The following CPNE4 variants were observed in gnomAD, a reference collection of about 807,000 sequenced individuals.
The protein encoded by CPNE4 is copine-4.
CPNE4 carries 25 observed loss-of-function variants against 67.9 expected under a neutral mutation model. The ratio of observed to expected loss-of-function variants is 0.37; its 90% confidence interval spans 0.27 to 0.51. CPNE4 has a LOEUF of 0.51. Ranked by LOEUF, CPNE4 falls within the 20% of genes least tolerant of loss-of-function variation. CPNE4 has a pLI of 0.93. For synonymous variants in CPNE4, 242 were observed against 244.9 expected, an observed-to-expected ratio of 0.99 and a Z score of 0.11; for missense variants, 464 against 690.8, an observed-to-expected ratio of 0.67 and a Z score of 3.68.
chr3:131,977,809 G>A (rs907197829), intron 1 of CPNE4, among the ~76,000 whole-genome samples: 1 of 151,470 alleles, frequency 6.6e-6, no homozygotes, highest in Non-Finnish European at 1.5e-5. Context: ...CACCATATTT[G>A]TAGTCTTTTA....
At chr3:131,552,513 A>T (rs1936239346) in intron 12 of CPNE4, 22 bp from the exon 13 acceptor site, 1 of 1,603,306 alleles carries the variant, frequency 6.2e-7, no homozygotes, top group Non-Finnish European at 8.5e-7. Context: ...TTAAAATTTA[A>T]AAAACAGGAA....
chr3:131,787,939 A>G (rs192685975), intron 2 of CPNE4, among the ~76,000 whole-genome samples: 1 of 152,260 alleles, frequency 6.6e-6, no homozygotes, highest in East Asian at 1.9e-4. Flanking sequence ...ACTGTCCAAT[A>G]TATCATTTTT....
intron 3 of CPNE4, among the ~76,000 whole-genome samples, chr3:131,702,403 C>A (rs532548671): frequency 6.6e-6 from 1 of 152,198 alleles, no homozygotes; most frequent in Non-Finnish European, 1.5e-5. Context: ...TTTCTCTGCA[C>A]GTTTTTTCCA....
At chr3:131,677,154 T>A (rs765111726) in intron 6 of CPNE4, among the ~76,000 whole-genome samples, 60 of 152,082 alleles carry the variant, frequency 3.9e-4, no homozygotes, top group Admixed American at 4.6e-4. Flanking sequence ...TTTTTTCATA[T>A]GATTGTTGGC....
In CPNE4 at chr3:131,861,400, CTTTGTGTGTGTGTGTG is replaced by C. The variant is rs755231500; in HGVS notation, c.180+43848_180+43863del. ...TGACTCTGAGTTTAGAATATCTCAT[CTTTGTGTGTGTGTGTG>C]TGTGTGTGTGTGTGTGTGTGTGTGT... On this transcript the variant is annotated intron_variant, in intron 2 of 15. Transcript: ENST00000429747. 8.2e-5 allele frequency among the ~76,000 whole-genome samples: 10 copies of C among 122,112 alleles called. No homozygotes were observed. In the South Asian group the frequency reaches 3.1e-3, roughly 37 times the overall value. The allele number at this position is 122,112 out of a possible 152,430, so 80.1% of individuals were successfully genotyped here.
At chr3:131,572,791 T>C (rs147684681) in intron 10 of CPNE4, among the ~76,000 whole-genome samples, 35 of 152,084 alleles carry the variant, frequency 2.3e-4, no homozygotes, top group Admixed American at 1.4e-3. Flanking sequence ...TGAGGTATAA[T>C]TACTGCAATG....
intron 2 of CPNE4, among the ~76,000 whole-genome samples, chr3:131,896,709 C>T (rs1274744023): frequency 6.6e-6 from 1 of 152,068 alleles, no homozygotes; most frequent in South Asian, 2.1e-4. Context: ...CCACTATCTT[C>T]TCCCTTGATG....
chr3:131,742,458 C>A (rs759275781), intron 2 of CPNE4, among the ~76,000 whole-genome samples: 1 of 152,050 alleles, frequency 6.6e-6, no homozygotes, highest in Admixed American at 6.6e-5. Context: ...CATAGTTGCA[C>A]GGGCCAATTC....
intron 1 of CPNE4, among the ~76,000 whole-genome samples, chr3:131,991,437 T>C (rs2073172159): frequency 7.4e-6 from 1 of 135,880 alleles, no homozygotes; most frequent in African/African-American, 2.5e-5. Context: ...AACTGGAGCA[T>C]AGGTGACTCT....
intron 10 of CPNE4, among the ~76,000 whole-genome samples, chr3:131,565,246 G>T (rs1460268192): frequency 6.6e-6 from 1 of 151,976 alleles, no homozygotes; most frequent in Non-Finnish European, 1.5e-5. Context: ...TTCGAGGGAA[G>T]AAGGTTAAAA....
chr3:131,872,927 A>G (rs1204676407), intron 2 of CPNE4, among the ~76,000 whole-genome samples: 1 of 152,070 alleles, frequency 6.6e-6, no homozygotes, highest in Admixed American at 6.5e-5. Context: ...ATGTAGACAA[A>G]CTAACCTTTA....
At chr3:131,860,993 G>A (rs1246075954) in intron 2 of CPNE4, among the ~76,000 whole-genome samples, 6 of 152,124 alleles carry the variant, frequency 3.9e-5, no homozygotes, top group African/African-American at 1.4e-4. Context: ...TGTCATCACT[G>A]ACTTTCTGTC....
intron 2 of CPNE4, among the ~76,000 whole-genome samples, chr3:131,862,810 A>C (rs1164365855): frequency 6.6e-6 from 1 of 151,900 alleles, no homozygotes; most frequent in African/African-American, 2.4e-5. Context: ...TGCACCCATT[A>C]ACTCGTCATT....
At chr3:131,885,795 G>GT (rs1167067599) in intron 2 of CPNE4, among the ~76,000 whole-genome samples, 1 of 151,980 alleles carries the variant, frequency 6.6e-6, no homozygotes, top group African/African-American at 2.4e-5. Context: ...GCGGTGTTTG[G>GT]TTTTTTGTTC....
chr3:131,990,485 A>G (rs766892673), intron 1 of CPNE4, among the ~76,000 whole-genome samples: 2 of 135,762 alleles, frequency 1.5e-5, no homozygotes, highest in Non-Finnish European at 3.3e-5. Flanking sequence ...CCCTGCCCCC[A>G]GTAAACACAA....
intron 2 of CPNE4, among the ~76,000 whole-genome samples, chr3:131,792,608 T>TGTGTATATATGTATATATATACACAC (rs2083758276): frequency 1.1e-5 from 1 of 91,368 alleles, no homozygotes; most frequent in Non-Finnish European, 2.3e-5. Context: ...TATATGTGTG[T>TGTGTATATATGTATATATATACACAC]GTGTATATAT....
intron 7 of CPNE4, among the ~76,000 whole-genome samples, chr3:131,608,480 A>T (rs1939635366): frequency 1.3e-5 from 2 of 152,260 alleles, no homozygotes; most frequent in South Asian, 4.1e-4. Context: ...TCTTCTAGGT[A>T]CAAGGAGCAG....
At chr3:131,801,391 C>CAT (rs139775707) in intron 2 of CPNE4, among the ~76,000 whole-genome samples, 33,133 of 83,826 alleles carry the variant, frequency 0.4, 6,279 homozygotes, top group South Asian at 0.47. Context: ...ATATATGGTA[C>CAT]ATATATATAT....
At chr3:131,671,458 C>CGTGT (rs1560088339) in intron 6 of CPNE4, among the ~76,000 whole-genome samples, 3,765 of 125,674 alleles carry the variant, frequency 0.03, 145 homozygotes, top group African/African-American at 0.088. Flanking sequence ...TGAGTGTACA[C>CGTGT]ATGTGTGTGT....
Sources: allele counts gnomAD v4.1 joint callset (sites outside exome capture counted in the v4.1 genomes callset), GRCh38; gene constraint gnomAD v4.1.1; transcripts MANE v1.5; gene names NCBI Gene and HGNC (gene_info 2026-07-23, HGNC 2026-07-21).